Variants in PACRG observed in about 807,000 individuals in gnomAD.
The protein encoded by PACRG is parkin coregulated.
Under a neutral mutation model 29.7 loss-of-function variants are expected in PACRG, and 29 were observed. The observed-to-expected ratio is 0.98, with a 90% confidence interval of 0.73 to 1.33. PACRG has a LOEUF of 1.33. Ranked by LOEUF, PACRG falls within the 40% of genes most tolerant of loss-of-function variation. The pLI is 0.00. For missense variants in PACRG, 279 were observed against 316.2 expected (o/e 0.88, Z 0.89); for synonymous variants, 116 against 118.7 (o/e 0.98, Z 0.15).
chr6:163,300,543 C>T (rs1784948875), intron 4 of PACRG, among the ~76,000 whole-genome samples: 1 of 152,228 alleles, frequency 6.6e-6, no homozygotes, highest in Non-Finnish European at 1.5e-5. Flanking sequence ...CTTACTATCT[C>T]CTGCTTAACC....
At chr6:162,942,785 T>C (rs1798725523) in intron 2 of PACRG, among the ~76,000 whole-genome samples, 1 of 152,172 alleles carries the variant, frequency 6.6e-6, no homozygotes, top group Admixed American at 6.5e-5. Context: ...CCAGAAATCG[T>C]ATATGGAGGG....
chr6:162,946,212 T>TAAAA (rs1798994152), intron 2 of PACRG, among the ~76,000 whole-genome samples: 1 of 150,956 alleles, frequency 6.6e-6, no homozygotes. Flanking sequence ...AACATTGTTT[T>TAAAA]AAAGATCAAC....
At chr6:163,114,565 C>A (rs181190962) in intron 4 of PACRG, among the ~76,000 whole-genome samples, 9 of 152,008 alleles carry the variant, frequency 5.9e-5, no homozygotes, top group African/African-American at 2.2e-4. Flanking sequence ...CATGAATGAA[C>A]CTGGAGGACA....
At chr6:162,968,797 C>T (rs987433083) in intron 2 of PACRG, among the ~76,000 whole-genome samples, 3 of 151,924 alleles carry the variant, frequency 2.0e-5, no homozygotes, top group Admixed American at 2.0e-4. Flanking sequence ...GCCTGTAATC[C>T]CAGCACTTTG....
chr6:163,041,923 T>C (rs1808764655), intron 2 of PACRG, among the ~76,000 whole-genome samples: 1 of 152,220 alleles, frequency 6.6e-6, no homozygotes, highest in Non-Finnish European at 1.5e-5. Flanking sequence ...TGGAGTGCAA[T>C]GGCATGATCT....
chr6:163,272,909 T>TTTTTTTTTTTTTTATAAGG, intron 4 of PACRG, among the ~76,000 whole-genome samples: 1 of 132,384 alleles, frequency 7.6e-6, no homozygotes, highest in East Asian at 2.1e-4. Context: ...TTTTTTTTTT[T>TTTTTTTTTTTTTTATAAGG]GAGACGGAGT....
intron 1 of PACRG, among the ~76,000 whole-genome samples, chr6:162,732,811 C>T (rs1779875452): frequency 6.6e-6 from 1 of 152,160 alleles, no homozygotes; most frequent in Non-Finnish European, 1.5e-5. Flanking sequence ...GCTCCTATCA[C>T]TATTCAGAGC....
At chr6:163,249,664 C>G (rs559391968) in intron 4 of PACRG, among the ~76,000 whole-genome samples, 9 of 152,148 alleles carry the variant, frequency 5.9e-5, no homozygotes, top group Non-Finnish European at 7.3e-5. Context: ...GTGTCGGATG[C>G]CAGGCCACGA....
At chr6:162,934,265 A>ACAAT (rs1798078720) in intron 2 of PACRG, among the ~76,000 whole-genome samples, 2 of 151,888 alleles carry the variant, frequency 1.3e-5, no homozygotes, top group Admixed American at 6.6e-5. Flanking sequence ...TGTCTCAAAA[A>ACAAT]AAAAAAATAA....
At chr6:162,795,542 AT>A (rs35244629) in intron 1 of PACRG, among the ~76,000 whole-genome samples, 43 of 149,778 alleles carry the variant, frequency 2.9e-4, no homozygotes, top group Non-Finnish European at 5.1e-4. Context: ...GTACACACTG[AT>A]TTTTTTTTTG....
chr6:163,083,701 C>CAGT (rs1813286009), intron 3 of PACRG, among the ~76,000 whole-genome samples: 1 of 152,080 alleles, frequency 6.6e-6, no homozygotes, highest in Admixed American at 6.6e-5. Context: ...TTGGAAGATT[C>CAGT]AGTCCTTTAT....
chr6:163,089,158 A>G (rs1813865214), intron 3 of PACRG, 101 bp from the exon 4 acceptor site: 2 of 1,244,462 alleles, frequency 1.6e-6, no homozygotes, highest in Non-Finnish European at 1.1e-6. Flanking sequence ...AGTAGAGCAC[A>G]GTTTAATTAA....
intron 4 of PACRG, among the ~76,000 whole-genome samples, chr6:163,177,004 A>C (rs1226990366): frequency 6.6e-6 from 1 of 152,162 alleles, no homozygotes; most frequent in Non-Finnish European, 1.5e-5. Context: ...TAAGGAGTTT[A>C]GGGAGTTGAG....
intron 2 of PACRG, among the ~76,000 whole-genome samples, chr6:162,935,416 G>A (rs941952778): frequency 5.0e-5 from 7 of 139,592 alleles, no homozygotes; most frequent in African/African-American, 8.0e-5. Flanking sequence ...TTTTGACTAC[G>A]TAATTTTAAA....
chr6:162,935,033 T>C (rs1182763491), intron 2 of PACRG, among the ~76,000 whole-genome samples: 1 of 152,176 alleles, frequency 6.6e-6, no homozygotes, highest in Non-Finnish European at 1.5e-5. Context: ...GCCTGTATGG[T>C]TTCTGTTGAG....
chr6:162,844,126 C>A (rs1790095580), intron 2 of PACRG, among the ~76,000 whole-genome samples: 1 of 141,786 alleles, frequency 7.1e-6, no homozygotes, highest in Admixed American at 7.0e-5. Context: ...TGGGCTCCAC[C>A]CAGTTCGAGC....
At chr6:162,799,268 GT>G (rs1197440472) in intron 1 of PACRG, among the ~76,000 whole-genome samples, 12 of 152,200 alleles carry the variant, frequency 7.9e-5, no homozygotes. Flanking sequence ...CATCTGAATA[GT>G]GAAAGATGCA....
chr6:162,982,271 T>C (rs909417404), intron 2 of PACRG, among the ~76,000 whole-genome samples: 1 of 152,038 alleles, frequency 6.6e-6, no homozygotes, highest in Non-Finnish European at 1.5e-5. Flanking sequence ...TTATCTTTTA[T>C]ATTGTTTTCT....
chr6:163,128,112 A>G (rs1816589126), intron 4 of PACRG, among the ~76,000 whole-genome samples: 1 of 152,248 alleles, frequency 6.6e-6, no homozygotes, highest in South Asian at 2.1e-4. Flanking sequence ...GAAGAAGATG[A>G]TTCTCTCTAC....
Sources: gnomAD v4.1 joint callset for allele counts (sites outside exome capture counted in the v4.1 genomes callset) on GRCh38, gnomAD v4.1.1 for gene constraint, MANE v1.5 for transcripts, NCBI Gene and HGNC (gene_info 2026-07-23, HGNC 2026-07-21) for gene names.